Variants in BEST1 observed in about 807,000 individuals in gnomAD.
BEST1 encodes bestrophin-1.
BEST1 carries 58 observed loss-of-function variants against 63.3 expected under a neutral mutation model. The ratio of observed to expected loss-of-function variants is 0.92; its 90% confidence interval spans 0.74 to 1.14. BEST1 has a LOEUF of 1.14. Ranked by LOEUF, BEST1 falls within the 50% of genes most tolerant of loss-of-function variation. The pLI is 0.00. For synonymous variants in BEST1, 283 were observed against 291.6 expected (o/e 0.97, Z 0.30); for missense variants, 671 against 740.1 (o/e 0.91, Z 1.08).
intron 7 of BEST1, chr11:61,958,562 AAAC>A (rs539191828): frequency 1.1e-4 from 94 of 828,346 alleles, no homozygotes; most frequent in South Asian, 1.8e-4. Context: ...TCTATCTCAA[AAAC>A]AACAACAACA....
intron 2 of BEST1, among the ~76,000 whole-genome samples, chr11:61,953,221 T>A (rs1408172011): frequency 6.6e-6 from 1 of 152,166 alleles, no homozygotes; most frequent in Non-Finnish European, 1.5e-5. Context: ...GAAATTCTTG[T>A]GTTCTTAATA....
intron 7 of BEST1, 141 bp from the exon 8 acceptor site, chr11:61,959,357 C>G: frequency 1.3e-6 from 1 of 794,876 alleles, no homozygotes; most frequent in Non-Finnish European, 2.2e-6. Flanking sequence ...GGGCTGGAGC[C>G]CTAAACTCTG....
chr11:61,963,623 T>A (rs1699078673), intron 10 of BEST1: 33 of 1,026,868 alleles, frequency 3.2e-5, no homozygotes, highest in Admixed American at 1.0e-4. Context: ...ACTTTCACGG[T>A]CAGAACACGC....
chr11:61,952,548 C>T (rs1303876187), intron 2 of BEST1, among the ~76,000 whole-genome samples: 2 of 148,572 alleles, frequency 1.3e-5, no homozygotes, highest in African/African-American at 5.0e-5. Context: ...CTCACTGTAA[C>T]CTCTGCCTCC....
chr11:61,951,869 G>T lies in BEST1; in HGVS notation c.63G>T (p.Leu21=). 1 of 1,613,990 alleles carries T rather than the reference G, an allele frequency of 6.2e-7. No individual in the cohort carries two copies. Residue 21 remains leucine, a synonymous_variant, in exon 2 of 11, where the codon CTG becomes CTT. Coordinates refer to ENST00000378043, the MANE Select transcript of BEST1 (RefSeq NM_004183.4). ...NARLGSFSRL[L]LCWRGSIYKL... ...GCTTAGGCTCCTTCTCCCGCCTGCT[G>T]CTGTGCTGGCGGGGCAGCATCTACA...
At chr11:61,957,350 G>A (rs1396102606) in intron 5 of BEST1, 37 bp from the exon 6 acceptor site, 1 of 1,587,002 alleles carries the variant, frequency 6.3e-7, no homozygotes. Flanking sequence ...GGGGGCAGGT[G>A]GTGTTCAGAA....
downstream of BEST1, chr11:61,964,801 C>T: frequency 6.2e-7 from 1 of 1,600,106 alleles, no homozygotes. Flanking sequence ...TCGGGCGCTC[C>T]CATCTTGCGC....
At chr11:61,954,710 A>C in intron 2 of BEST1, 3 of 768,956 alleles carry the variant, frequency 3.9e-6, no homozygotes, top group Non-Finnish European at 4.7e-6. Context: ...TTAGCCTCCC[A>C]GAGCTCTGGG....
chr11:61,958,538 C>G (rs766854171), intron 7 of BEST1: 1 of 994,142 alleles, frequency 1.0e-6, no homozygotes, highest in Non-Finnish European at 1.5e-6. Context: ...CCAGCCTGGG[C>G]AAAAGAATGA....
intron 5 of BEST1, 95 bp downstream of exon 5, chr11:61,957,093 G>A: frequency 2.5e-6 from 4 of 1,577,070 alleles, no homozygotes; most frequent in Middle Eastern, 2.2e-4. Context: ...TTGGGCCCCT[G>A]AGGGTCTTCC....
intron 6 of BEST1, 45 bp downstream of exon 6, chr11:61,957,509 T>C: frequency 6.3e-7 from 1 of 1,583,124 alleles, no homozygotes; most frequent in Non-Finnish European, 8.7e-7. Flanking sequence ...AAACTGAGGC[T>C]AGAAGGACCA....
rs281865237 is a variant in BEST1 at position 61,956,988 on chromosome 11, G to A, written c.626G>A (p.Ser209Asn). 1 of 1,614,154 alleles carries A rather than the reference G, an allele frequency of 6.2e-7. No homozygotes were observed. The highest frequency in any genetic ancestry group is 8.5e-7 in the Non-Finnish European group (1 of 1,180,032). ...GRIRDPILLQ[S>N]LLNEMNTLRT... ...ATCCGGGACCCTATCCTGCTCCAGA[G>A]CCTGCTGAACGTGAGCCCACTGTAC... Residue 209 changes from serine to asparagine, a missense_variant, in exon 5 of 11, where the codon AGC (serine) becomes AAC (asparagine). By Grantham distance (46) the Ser-to-Asn change is conservative. Coordinates refer to ENST00000378043, the MANE Select transcript of BEST1 (RefSeq NM_004183.4).
intron 10 of BEST1, chr11:61,963,152 T>C: frequency 6.9e-7 from 1 of 1,453,620 alleles, no homozygotes; most frequent in Non-Finnish European, 9.1e-7. Flanking sequence ...GAAGATGAGG[T>C]TGTGCTGACC....
Position 61,964,240 on chromosome 11 carries a change from G to C in BEST1, c.*118G>C. 1.3e-6 allele frequency: 2 copies of C among 1,564,388 alleles called. No individual in the cohort carries two copies. Among genetic ancestry groups the C allele is most frequent in the Non-Finnish European group, 1.7e-6 (2 of 1,154,484 alleles). ...ACACTGAAGAACATGTCCTACAACA[G>C]CCTGAATCAAATGGTTAGCTTAATA... is the stretch of plus-strand genomic sequence containing the variant. On this transcript the variant is annotated 3_prime_UTR_variant, in exon 11 of 11. Coordinates refer to ENST00000378043, the MANE Select transcript of BEST1 (RefSeq NM_004183.4).
rs990525044 is a variant in BEST1, at chr11:61,958,474, C to T, written c.867+176C>T. On this transcript the variant is annotated intron_variant, in intron 7 of 10. Transcript: ENST00000378043. ...ACTCGGGAGGCTGAGGCAGGAGAATCGCTTGAACCCGGGAGGCGGAGGTTG... is the reference window on the plus strand; with the variant it reads ...ACTCGGGAGGCTGAGGCAGGAGAATTGCTTGAACCCGGGAGGCGGAGGTTG... The T allele has an allele frequency of 6.6e-6, 10 of 1,518,668 alleles. No individual in the cohort carries two copies. The Admixed American group carries it at 7.8e-5, about 12-fold the overall frequency. 94.1% of individuals were successfully genotyped at this position (1,518,668 alleles called of 1,614,324 possible).
At chr11:61,953,976 G>T (rs574485118) in intron 2 of BEST1, among the ~76,000 whole-genome samples, 2 of 152,074 alleles carry the variant, frequency 1.3e-5, no homozygotes, top group Admixed American at 6.6e-5. Flanking sequence ...TATAATCACC[G>T]AATATATGAT....
chr11:61,965,050 T>G, downstream of BEST1: 1 of 1,612,634 alleles, frequency 6.2e-7, no homozygotes, highest in South Asian at 1.1e-5. Context: ...TCACATTTTT[T>G]TCCAAATGTA....
Position 61,962,317 on chromosome 11 carries a change from G to C in BEST1, c.1163G>C (p.Gly388Ala). The C allele has an allele frequency of 6.2e-7, 1 of 1,614,172 alleles. No individual in the cohort carries two copies. Among genetic ancestry groups the C allele is most frequent in the East Asian group, 2.2e-5 (1 of 44,882 alleles). Residue 388 changes from glycine (G) to alanine (A), a missense_variant, in exon 10 of 11, where the codon GGC (glycine) becomes GCC (alanine). Gly to Ala is a moderately conservative substitution (Grantham distance 60). Transcript: ENST00000378043. The stretch of plus-strand genomic sequence containing the variant: ...GAGGACGAGGAGGATGCTCACGCTG[G>C]CATCATTGGCCGCTTCCTAGGCCTG... ...NQEDEEDAHA[G>A]IIGRFLGLQS...
At chr11:61,953,045 G>A (rs751105482) in intron 2 of BEST1, among the ~76,000 whole-genome samples, 1 of 152,132 alleles carries the variant, frequency 6.6e-6, no homozygotes, top group African/African-American at 2.4e-5. Context: ...CGAGGCTGCA[G>A]TGAGCTATGA....
Sources: allele counts gnomAD v4.1 joint callset (sites outside exome capture counted in the v4.1 genomes callset), GRCh38; gene constraint gnomAD v4.1.1; transcripts MANE v1.5; gene names NCBI Gene and HGNC (gene_info 2026-07-23, HGNC 2026-07-21).